The following SIDT1 variants were observed in gnomAD, a reference collection of about 807,000 sequenced individuals.
SIDT1 encodes SID1 transmembrane family member 1, also known as SID1 transmembrane family, member 1.
In SIDT1, 101 loss-of-function variants were observed where a neutral mutation model predicts 107.5. That is an observed-to-expected ratio of 0.94 (90% CI 0.80 to 1.11). The LOEUF (loss-of-function observed/expected upper bound fraction) is 1.11. SIDT1 is among the 50% of genes least tolerant of loss of function. The pLI is 0.00. For missense variants in SIDT1, 1,076 were observed against 1,058.2 expected (o/e 1.02, Z -0.23); for synonymous variants, 395 against 398.2 (o/e 0.99, Z 0.10).
intron 1 of SIDT1, among the ~76,000 whole-genome samples, chr3:113,541,687 C>A (rs984591431): frequency 6.6e-6 from 1 of 152,120 alleles, no homozygotes; most frequent in African/African-American, 2.4e-5. Context: ...TTTATAACAG[C>A]CTATATGTAG....
At chr3:113,571,559 G>A (rs547507298) in intron 3 of SIDT1, among the ~76,000 whole-genome samples, 1 of 150,880 alleles carries the variant, frequency 6.6e-6, no homozygotes, top group Admixed American at 6.6e-5. Context: ...CAGGTGTTTA[G>A]TATTGCTAGA....
At chr3:113,619,869 G>T (rs1946341067) in intron 21 of SIDT1, 143 bp downstream of exon 21, 2 of 718,438 alleles carry the variant, frequency 2.8e-6, no homozygotes, top group Non-Finnish European at 2.4e-6. Flanking sequence ...TCAAAAAAAG[G>T]TAGTAGGACA....
At chr3:113,600,453 A>T (rs546369342) in intron 10 of SIDT1, among the ~76,000 whole-genome samples, 1 of 152,284 alleles carries the variant, frequency 6.6e-6, no homozygotes, top group South Asian at 2.1e-4. Flanking sequence ...TAAAATGGTG[A>T]TAATAATATT....
chr3:113,553,901 G>C (rs140054857), intron 1 of SIDT1, among the ~76,000 whole-genome samples: 371 of 152,286 alleles, frequency 2.4e-3, no homozygotes, highest in African/African-American at 8.4e-3. Context: ...CAAAAAATTC[G>C]CTGGGCGTAG....
chr3:113,535,424 G>A (rs1938027435), intron 1 of SIDT1, among the ~76,000 whole-genome samples: 1 of 152,174 alleles, frequency 6.6e-6, no homozygotes, highest in Non-Finnish European at 1.5e-5. Context: ...TGGAAAATGT[G>A]AGATCATTTC....
intron 7 of SIDT1, 71 bp downstream of exon 7, chr3:113,583,567 C>A: frequency 8.5e-7 from 1 of 1,179,258 alleles, no homozygotes; most frequent in Non-Finnish European, 1.2e-6. Context: ...GAAGCTGAAA[C>A]CTCCTTTCTA....
intron 1 of SIDT1, among the ~76,000 whole-genome samples, chr3:113,546,101 C>T (rs926869534): frequency 6.6e-6 from 1 of 152,178 alleles, no homozygotes; most frequent in Non-Finnish European, 1.5e-5. Context: ...TACCAGGAGA[C>T]ACGTGTTTTT....
intron 1 of SIDT1, among the ~76,000 whole-genome samples, chr3:113,541,175 G>T (rs1938816711): frequency 6.6e-6 from 1 of 151,224 alleles, no homozygotes; most frequent in Non-Finnish European, 1.5e-5. Context: ...CATATTTTGA[G>T]ATGGAGTCTT....
intron 5 of SIDT1, among the ~76,000 whole-genome samples, chr3:113,580,975 A>C (rs1943284104): frequency 6.6e-6 from 1 of 152,186 alleles, no homozygotes; most frequent in Non-Finnish European, 1.5e-5. Context: ...GATTGTAACA[A>C]GGAACCAGGA....
chr3:113,550,829 C>G (rs1050321875), intron 1 of SIDT1, among the ~76,000 whole-genome samples: 5 of 151,924 alleles, frequency 3.3e-5, no homozygotes, highest in Admixed American at 6.6e-5. Flanking sequence ...CTTTGTTGTA[C>G]AGATTATTTC....
At chr3:113,572,573 A>G (rs575303229) in intron 3 of SIDT1, among the ~76,000 whole-genome samples, 2 of 152,370 alleles carry the variant, frequency 1.3e-5, no homozygotes, top group Middle Eastern at 3.4e-3. Context: ...TGGAAGAGGA[A>G]TTACAGAGAT....
rs141024196 is a variant in SIDT1, at chr3:113,608,832, G to C, written c.1720+296G>C. On this transcript the variant is annotated intron_variant, in intron 17 of 24. Coordinates refer to ENST00000264852, the MANE Select transcript of SIDT1 (RefSeq NM_017699.3). ...GCCTTCATTTCTCTGTGATCCCTTT[G>C]ATTGTACCCAGCCTGTATGTTGGTT... Among the ~76,000 whole-genome samples, 1,204 of 152,224 alleles carry C rather than the reference G, an allele frequency of 7.9e-3. 16 individuals are homozygous for C. The highest frequency in any genetic ancestry group is 0.027 in the African/African-American group (1,106 of 41,512).
At chr3:113,611,204 CA>C (rs918089519) in intron 18 of SIDT1, 60 bp downstream of exon 18, 1 of 1,576,336 alleles carries the variant, frequency 6.3e-7, no homozygotes, top group African/African-American at 1.4e-5. Flanking sequence ...GTCCAATAAA[CA>C]AACAACAATC....
At chr3:113,629,817 C>T (rs1309715338), downstream of SIDT1, among the ~76,000 whole-genome samples, 2 of 152,238 alleles carry the variant, frequency 1.3e-5, no homozygotes, top group African/African-American at 4.8e-5. Flanking sequence ...TTTCTGATCA[C>T]GTCTGTCTTG....
chr3:113,573,442 AG>A (rs1942639698), intron 3 of SIDT1, among the ~76,000 whole-genome samples: 2 of 152,342 alleles, frequency 1.3e-5, no homozygotes, highest in South Asian at 4.1e-4. Flanking sequence ...TTCTCATTTA[AG>A]GGATGATCTG....
At chr3:113,615,354 G>A (rs1027163186) in intron 19 of SIDT1, among the ~76,000 whole-genome samples, 3 of 152,164 alleles carry the variant, frequency 2.0e-5, no homozygotes, top group African/African-American at 7.2e-5. Context: ...ACAGAGCTGA[G>A]ATCCACATTC....
chr3:113,567,185 G>A (rs762013227), intron 2 of SIDT1, among the ~76,000 whole-genome samples: 3 of 152,176 alleles, frequency 2.0e-5, no homozygotes, highest in African/African-American at 4.8e-5. Context: ...TTTAGCAGTA[G>A]CTTGAAGAGA....
intron 10 of SIDT1, among the ~76,000 whole-genome samples, chr3:113,596,195 T>C (rs537516655): frequency 6.6e-6 from 1 of 152,348 alleles, no homozygotes; most frequent in South Asian, 2.1e-4. Context: ...CACATCATTG[T>C]GGAGCTAGAT....
chr3:113,618,388 CAT>C (rs748101847), intron 20 of SIDT1, among the ~76,000 whole-genome samples: 3 of 152,186 alleles, frequency 2.0e-5, no homozygotes, highest in Admixed American at 6.5e-5. Flanking sequence ...CTATAACACT[CAT>C]GTGTAAGTTT....
Sources: gnomAD v4.1 joint callset for allele counts (sites outside exome capture counted in the v4.1 genomes callset) on GRCh38, gnomAD v4.1.1 for gene constraint, MANE v1.5 for transcripts, NCBI Gene and HGNC (gene_info 2026-07-23, HGNC 2026-07-21) for gene names.